Variants in ATP2B1 observed in about 807,000 individuals in gnomAD.
The protein encoded by ATP2B1 is ATPase plasma membrane Ca2+ transporting 1.
ATP2B1 carries 14 observed loss-of-function variants against 124.2 expected under a neutral mutation model. The observed-to-expected ratio is 0.11, with a 90% CI of 0.07 to 0.18. The LOEUF (loss-of-function observed/expected upper bound fraction) is 0.18, where lower values mean the gene tolerates loss of function less well. ATP2B1 is among the 10% of genes least tolerant of loss of function. ATP2B1 has a pLI of 1.00. For synonymous variants in ATP2B1, 449 were observed against 492.4 expected (o/e 0.91, Z 1.17); for missense variants, 763 against 1,466.1 (o/e 0.52, Z 7.83).
chr12:89,641,319 C>T (rs925526679), intron 3 of ATP2B1, among the ~76,000 whole-genome samples: 8 of 152,146 alleles, frequency 5.3e-5, no homozygotes, highest in African/African-American at 1.9e-4. Flanking sequence ...ATGTATTTCT[C>T]TATTGGTTAG....
chr12:89,622,229 T>C (rs975216726), intron 9 of ATP2B1, among the ~76,000 whole-genome samples: 2 of 152,000 alleles, frequency 1.3e-5, no homozygotes, highest in African/African-American at 4.8e-5. Flanking sequence ...AAAAGATTCT[T>C]ACATCAGTGC....
chr12:89,662,232 T>C (rs1367448561), intron 1 of ATP2B1, among the ~76,000 whole-genome samples: 1 of 152,054 alleles, frequency 6.6e-6, no homozygotes, highest in Admixed American at 6.6e-5. Flanking sequence ...AGTCACTTTC[T>C]GCAGAAAGAC....
chr12:89,612,944 T>C (rs1007632149), intron 12 of ATP2B1, among the ~76,000 whole-genome samples: 2 of 152,138 alleles, frequency 1.3e-5, no homozygotes, highest in Non-Finnish European at 2.9e-5. Context: ...TTTGGGATAA[T>C]AGCAAGGTAC....
At chr12:89,602,969 T>A (rs1462358674) in intron 18 of ATP2B1, 74 bp downstream of exon 18, 2 of 1,305,898 alleles carry the variant, frequency 1.5e-6, no homozygotes, top group Non-Finnish European at 2.2e-6. Context: ...CACAAGTGAT[T>A]GCTAGAACAA....
At chr12:89,611,161 C>A in intron 13 of ATP2B1, 32 bp downstream of exon 13, 1 of 1,541,242 alleles carries the variant, frequency 6.5e-7, no homozygotes, top group South Asian at 1.3e-5. Context: ...AAACATCTGT[C>A]AACCAAAAAC....
chr12:89,604,261 A>G lies in ATP2B1; in HGVS notation c.2528T>C (p.Met843Thr), dbSNP rs556639199. ...GCTGTCATAGACATTTCGTCCCCAC[A>G]TAACTGCTTTAACAATGCTTGTAAA... ...DNFTSIVKAV[M>T]WGRNVYDSIS... Residue 843 changes from methionine to threonine, a missense_variant, in exon 16 of 21, where the codon ATG becomes ACG. Coordinates refer to ENST00000428670, the MANE Select transcript of ATP2B1 (RefSeq NM_001366521.1). 5 of 1,614,012 alleles carry G rather than the reference A, an allele frequency of 3.1e-6. No individual in the cohort carries two copies. The South Asian group carries it at 4.4e-5, about 14-fold the overall frequency.
intron 20 of ATP2B1, among the ~76,000 whole-genome samples, chr12:89,597,307 A>G (rs2854376): frequency 0.96 from 145,732 of 152,244 alleles, 69,787 homozygotes; most frequent in East Asian, 0.99. Flanking sequence ...ATTTTTAAAA[A>G]GAAGAGTTCT....
intron 2 of ATP2B1, among the ~76,000 whole-genome samples, chr12:89,655,392 C>T (rs1885830322): frequency 6.6e-6 from 1 of 152,126 alleles, no homozygotes. Context: ...TCCTCTATAG[C>T]TCAAAGGGAA....
intron 20 of ATP2B1, among the ~76,000 whole-genome samples, chr12:89,596,140 TA>T (rs1874564303): frequency 6.6e-6 from 1 of 152,082 alleles, no homozygotes; most frequent in East Asian, 1.9e-4. Context: ...CTGAGAAATA[TA>T]ATAAGTATAG....
intron 1 of ATP2B1, among the ~76,000 whole-genome samples, chr12:89,675,142 T>C (rs969719588): frequency 6.6e-6 from 1 of 152,182 alleles, no homozygotes; most frequent in Non-Finnish European, 1.5e-5. Flanking sequence ...TTATCATCAA[T>C]ATTTAATAAA....
At chr12:89,652,502 GTTTAAT>G (rs1885386735) in intron 2 of ATP2B1, among the ~76,000 whole-genome samples, 1 of 152,186 alleles carries the variant, frequency 6.6e-6, no homozygotes, top group African/African-American at 2.4e-5. Context: ...TGAAGAATCA[GTTTAAT>G]TCTCACTTTC....
In ATP2B1 at chr12:89,651,627, T is replaced by C. The variant is rs1885268985; in HGVS notation, c.208+4052A>G. 2.6e-5 allele frequency among the ~76,000 whole-genome samples: 4 copies of C among 152,160 alleles called. No individual in the cohort carries two copies. In the South Asian group the frequency reaches 8.3e-4, roughly 32 times the overall value. ...AGCAGAACCTTAAACCAAAATTTTT[T>C]TCACCATGTAATTCCAAAAATTTTT... is the stretch of plus-strand genomic sequence containing the variant. On this transcript the variant is annotated intron_variant, in intron 2 of 20. Coordinates refer to ENST00000428670, the MANE Select transcript of ATP2B1 (RefSeq NM_001366521.1).
At chr12:89,666,427 G>C (rs908701425) in intron 1 of ATP2B1, among the ~76,000 whole-genome samples, 1 of 152,160 alleles carries the variant, frequency 6.6e-6, no homozygotes, top group Non-Finnish European at 1.5e-5. Context: ...TTCAAAATTT[G>C]CTCTCCAGTG....
intron 1 of ATP2B1, among the ~76,000 whole-genome samples, chr12:89,684,704 T>A (rs7973795): frequency 1.3e-5 from 2 of 152,154 alleles, no homozygotes; most frequent in African/African-American, 4.8e-5. Flanking sequence ...CAGAGCTTTA[T>A]GTTTACTGTC....
At chr12:89,702,597 A>G (rs937830177) in intron 1 of ATP2B1, among the ~76,000 whole-genome samples, 1 of 152,182 alleles carries the variant, frequency 6.6e-6, no homozygotes, top group Non-Finnish European at 1.5e-5. Flanking sequence ...CTTCTTTAAG[A>G]CCTATTTTTT....
chr12:89,687,055 T>C (rs1006708178), intron 1 of ATP2B1, among the ~76,000 whole-genome samples: 9 of 152,124 alleles, frequency 5.9e-5, no homozygotes, highest in African/African-American at 1.9e-4. Context: ...ATGTTTTTCT[T>C]GTCGTTATTC....
rs568762829 is a variant in ATP2B1 at position 89,634,914 on chromosome 12, A to C, written c.662-11T>G. 6.2e-7 allele frequency: 1 copy of C among 1,611,146 alleles called. No individual in the cohort carries two copies. The highest frequency in any genetic ancestry group is 2.2e-5 in the East Asian group (1 of 44,830). On this transcript the variant is annotated splice_polypyrimidine_tract_variant and intron_variant, in intron 4 of 20. Coordinates refer to ENST00000428670, the MANE Select transcript of ATP2B1 (RefSeq NM_001366521.1). ...CTGGAAGAAGATCACCTAAAATAAA[A>C]AGCATGATATACTAAACTTATAAAC...
intron 1 of ATP2B1, among the ~76,000 whole-genome samples, chr12:89,700,008 C>T (rs1465433012): frequency 4.1e-5 from 6 of 145,386 alleles, no homozygotes; most frequent in Non-Finnish European, 9.1e-5. Flanking sequence ...CCATGCCTGG[C>T]TAAATTTTTT....
chr12:89,613,577 A>G (rs1878423561), intron 12 of ATP2B1, among the ~76,000 whole-genome samples: 1 of 152,226 alleles, frequency 6.6e-6, no homozygotes, highest in Non-Finnish European at 1.5e-5. Flanking sequence ...TGTCTGTTTT[A>G]TAAATGTATA....
Sources: allele counts gnomAD v4.1 joint callset (sites outside exome capture counted in the v4.1 genomes callset), GRCh38; gene constraint gnomAD v4.1.1; transcripts MANE v1.5; gene names NCBI Gene and HGNC (gene_info 2026-07-23, HGNC 2026-07-21).